The following PPM1A variants were observed in gnomAD, a reference collection of about 807,000 sequenced individuals.
PPM1A encodes protein phosphatase, Mg2+/Mn2+ dependent 1A.
Under a neutral mutation model 35.0 loss-of-function variants are expected in PPM1A, and 7 were observed. The ratio of observed to expected loss-of-function variants is 0.20; its 90% CI spans 0.11 to 0.38. PPM1A has a LOEUF of 0.38. Among genes scored for constraint, PPM1A ranks in the 10% least tolerant of loss-of-function variants. The pLI is 1.00. For missense variants in PPM1A, 239 were observed against 467.8 expected (o/e 0.51, Z 4.51); for synonymous variants, 153 against 167.3 (o/e 0.91, Z 0.66).
intron 1 of PPM1A, among the ~76,000 whole-genome samples, chr14:60,255,184 G>T (rs10138627): frequency 0.26 from 17,503 of 67,734 alleles, 3,379 homozygotes; most frequent in African/African-American, 0.64. Context: ...GTTTTGTTTT[G>T]TTTTTGAGAC....
At chr14:60,265,739 A>G (rs1884299632) in intron 1 of PPM1A, among the ~76,000 whole-genome samples, 1 of 152,122 alleles carries the variant, frequency 6.6e-6, no homozygotes, top group Non-Finnish European at 1.5e-5. Flanking sequence ...CCTTCTTGCC[A>G]GATGGAAGGC....
upstream of PPM1A, chr14:60,248,784 G>A (rs1881963948): frequency 6.5e-6 from 1 of 152,862 alleles, no homozygotes; most frequent in East Asian, 1.9e-4. Flanking sequence ...CAGGGCTCCG[G>A]GCGCGGACGC....
In PPM1A at chr14:60,281,788, C is replaced by G. The variant is rs116512616; in HGVS notation, c.-20-896C>G. Among the ~76,000 whole-genome samples the G allele has an allele frequency of 7.6e-3, 1,153 of 152,222 alleles. 16 individuals are homozygous for G. The highest frequency in any genetic ancestry group is 0.027 in the African/African-American group (1,121 of 41,522). On this transcript the variant is annotated intron_variant, in intron 1 of 5. Coordinates refer to ENST00000395076, the MANE Select transcript of PPM1A (RefSeq NM_021003.5). ...TTGGAAAAGGATTAGATTAGCTGAGCCTTCAGGCTTGTCAGCAGGGCTGTC... is the reference window on the plus strand; with the variant it reads ...TTGGAAAAGGATTAGATTAGCTGAGGCTTCAGGCTTGTCAGCAGGGCTGTC...
At chr14:60,276,604 G>A (rs997710591) in intron 1 of PPM1A, among the ~76,000 whole-genome samples, 3 of 152,002 alleles carry the variant, frequency 2.0e-5, no homozygotes, top group African/African-American at 7.2e-5. Context: ...AAAGCCTGGG[G>A]GGCGTTCCCT....
chr14:60,295,711 A>G lies in PPM1A; in HGVS notation c.*3229A>G, dbSNP rs922730017. On this transcript the variant is annotated 3_prime_UTR_variant, in exon 6 of 6. Transcript: ENST00000395076. ...TTGGCTTCAAGTTTACATCTGGACA[A>G]TTTATAATCTAGTGTATGTTAGTAT... is the stretch of plus-strand genomic sequence containing the variant. 6.6e-6 allele frequency: 1 copy of G among 151,596 alleles called. No individual in the cohort carries two copies. Among genetic ancestry groups the G allele is most frequent in the African/African-American group, 2.4e-5 (1 of 41,364 alleles). The allele number at this position is 151,596 out of a possible 1,614,324, so 9.4% of individuals were successfully genotyped here. A position where few individuals can be genotyped will look rare whatever the true frequency, so the allele number is the denominator to read the frequency against.
Position 60,282,868 on chromosome 14 carries a change from C to T in PPM1A, c.165C>T (p.Phe55=). Reference sequence around the variant, plus strand: ...CAAGTGGACTTGAATCGTGGTCATTCTTTGCTGTGTATGATGGGCATGCTG... The same window carrying T: ...CAAGTGGACTTGAATCGTGGTCATTTTTTGCTGTGTATGATGGGCATGCTG... The part of the protein sequence containing the change: ...GLPSGLESWS[F]FAVYDGHAGS... The change falls in exon 2 of 6, where the codon TTC becomes TTT. Residue 55 remains phenylalanine, a synonymous_variant. Transcript: ENST00000395076. This position sits in a 1 kb window ranked among gnomAD's most constrained non-coding sequence, Gnocchi z 5.1. 2 of 1,614,200 alleles carry T rather than the reference C, an allele frequency of 1.2e-6. No homozygotes were observed. Among genetic ancestry groups the T allele is most frequent in the Non-Finnish European group, 1.7e-6 (2 of 1,180,042 alleles).
At chr14:60,254,423 T>C (rs1241714413) in intron 1 of PPM1A, among the ~76,000 whole-genome samples, 1 of 152,168 alleles carries the variant, frequency 6.6e-6, no homozygotes, top group Non-Finnish European at 1.5e-5. Flanking sequence ...AAGGTGAATG[T>C]TCAGGCTAGA....
chr14:60,284,083 A>C (rs1035588022), intron 2 of PPM1A, among the ~76,000 whole-genome samples: 4 of 152,206 alleles, frequency 2.6e-5, no homozygotes, highest in Non-Finnish European at 5.9e-5. Context: ...TTTAAACTCT[A>C]ATCAGTTTTT....
chr14:60,285,603 C>G, intron 2 of PPM1A, 21 bp from the exon 3 acceptor site: 1 of 1,610,260 alleles, frequency 6.2e-7, no homozygotes, highest in Non-Finnish European at 8.5e-7. Context: ...CTAAAATATT[C>G]TCAAATTTTT....
At chr14:60,279,971 G>A (rs1030182096) in intron 1 of PPM1A, among the ~76,000 whole-genome samples, 6 of 151,784 alleles carry the variant, frequency 4.0e-5, no homozygotes, top group Non-Finnish European at 7.4e-5. Flanking sequence ...TTATTTAATC[G>A]TCATAAGAAT....
rs1390668613 is a variant in PPM1A at position 60,296,754 on chromosome 14, T to C, written c.*4272T>C. The C allele has an allele frequency of 2.0e-5, 7 of 345,560 alleles. No individual in the cohort carries two copies. The highest frequency in any genetic ancestry group is 3.7e-5 in the Non-Finnish European group (7 of 188,226). The allele number at this position is 345,560 out of a possible 1,614,324, so 21.4% of individuals were successfully genotyped here. On this transcript the variant is annotated 3_prime_UTR_variant, in exon 6 of 6. Coordinates refer to ENST00000395076, the MANE Select transcript of PPM1A (RefSeq NM_021003.5). The surrounding 1 kb of genome is among the most constrained non-coding windows in gnomAD (Gnocchi z 4.4). ...TACTGTATTGTTTTGTTGATCAGAA[T>C]AATAAGTCTCAGTTAAATGTTTGTT... is the stretch of plus-strand genomic sequence containing the variant.
Position 60,296,709 on chromosome 14 carries a change from T to C in PPM1A, c.*4227T>C. 2.9e-6 allele frequency: 1 copy of C among 350,634 alleles called. No homozygotes were observed. Among genetic ancestry groups the C allele is most frequent in the Non-Finnish European group, 5.2e-6 (1 of 191,612 alleles). 21.7% of individuals were successfully genotyped at this position (350,634 alleles called of 1,614,324 possible). On this transcript the variant is annotated 3_prime_UTR_variant, in exon 6 of 6. Transcript: ENST00000395076. This position sits in a 1 kb window ranked among gnomAD's most constrained non-coding sequence, Gnocchi z 4.4. ...GGAATATGCTTGAAATATTTAAGAA[T>C]ACATTTTCAAAATGTATAATACTGT...
At chr14:60,285,401 T>G (rs1886888321) in intron 2 of PPM1A, among the ~76,000 whole-genome samples, 1 of 152,236 alleles carries the variant, frequency 6.6e-6, no homozygotes, top group Non-Finnish European at 1.5e-5. Flanking sequence ...CTCTCCTGTC[T>G]TTTGGAGTAT....
chr14:60,274,939 C>A (rs1410585677), intron 1 of PPM1A, among the ~76,000 whole-genome samples: 1 of 151,582 alleles, frequency 6.6e-6, no homozygotes, highest in African/African-American at 2.4e-5. Context: ...TTTCTCTGTT[C>A]ATTTTTACAC....
At chr14:60,258,242 T>C (rs1228678260) in intron 1 of PPM1A, among the ~76,000 whole-genome samples, 1 of 152,092 alleles carries the variant, frequency 6.6e-6, no homozygotes, top group Non-Finnish European at 1.5e-5. Context: ...AAGATTAAGT[T>C]AGAGATATTT....
In PPM1A at chr14:60,249,383, G is replaced by C. The variant is rs1215242934; in HGVS notation, c.-315G>C. ...GGGGGGGGTGGGGGGACTCTAGACA[G>C]CTGAGGCGCGAAAGCGATGAGTCCT... On this transcript the variant is annotated 5_prime_UTR_variant, in exon 1 of 6. Transcript: ENST00000395076. The surrounding 1 kb of genome is among the most constrained non-coding windows in gnomAD (Gnocchi z 4.5). The C allele has an allele frequency of 6.1e-6, 6 of 984,430 alleles. No individual in the cohort carries two copies. In the African/African-American group the frequency reaches 1.1e-4, roughly 17 times the overall value. 61.0% of individuals were successfully genotyped at this position (984,430 alleles called of 1,614,324 possible).
At chr14:60,246,159 C>A, upstream of PPM1A, 2 of 1,023,918 alleles carry the variant, frequency 2.0e-6, no homozygotes, top group African/African-American at 1.6e-5. Context: ...AAATACTAGC[C>A]TCCTGAGGGG....
upstream of PPM1A, among the ~76,000 whole-genome samples, chr14:60,247,485 C>T (rs2139286604): frequency 6.6e-6 from 1 of 151,894 alleles, no homozygotes; most frequent in South Asian, 2.1e-4. Flanking sequence ...AAAAAATTAG[C>T]CAGGCGTGGT....
chr14:60,260,736 A>G (rs955904118), intron 1 of PPM1A, among the ~76,000 whole-genome samples: 9 of 152,116 alleles, frequency 5.9e-5, no homozygotes, highest in Admixed American at 1.3e-4. Flanking sequence ...TTCTGTCTAT[A>G]GATTTGTCTA....
Sources: allele counts gnomAD v4.1 joint callset (sites outside exome capture counted in the v4.1 genomes callset), GRCh38; gene constraint gnomAD v4.1.1; non-coding constraint Gnocchi (gnomAD v3.1); transcripts MANE v1.5; gene names NCBI Gene and HGNC (gene_info 2026-07-23, HGNC 2026-07-21).